The following BMP2 variants were observed in gnomAD, a reference collection of about 807,000 sequenced individuals.
The protein encoded by BMP2 is bone morphogenetic protein 2, also known as bone morphogenetic protein 2A.
BMP2 carries 2 observed loss-of-function variants against 28.8 expected under a neutral mutation model. The ratio of observed to expected loss-of-function variants is 0.07; its 90% CI spans 0.03 to 0.22. BMP2 has a LOEUF of 0.22. Ranked by LOEUF, BMP2 falls within the 10% of genes least tolerant of loss-of-function variation. The pLI is 1.00. For synonymous variants in BMP2, 218 were observed against 204.3 expected (o/e 1.07, Z -0.57); for missense variants, 437 against 517.7 (o/e 0.84, Z 1.51).
In BMP2 at chr20:6,768,409, C is replaced by T. The variant is rs557811126; in HGVS notation, c.-474C>T. 1.8e-5 allele frequency: 7 copies of T among 393,930 alleles called. No homozygotes were observed. In the South Asian group the frequency reaches 7.1e-4, roughly 40 times the overall value. The allele number at this position is 393,930 out of a possible 1,614,324, so 24.4% of individuals were successfully genotyped here. A position where few individuals can be genotyped will look rare whatever the true frequency, so the allele number is the denominator to read the frequency against. On this transcript the variant is annotated 5_prime_UTR_variant, in exon 1 of 3. An upstream open reading frame in the 5' UTR gains an earlier in-frame stop. Coordinates refer to ENST00000378827, the MANE Select transcript of BMP2 (RefSeq NM_001200.4). ...CGCGGAGCGCCCGACCCTCGACCCC[C>T]GAGTCCCGGAGCCGGCCCCGCGCGG...
At position 6,778,486 on chromosome 20, in the gene BMP2, G is replaced by C; in HGVS notation, c.588G>C (p.Leu196Phe). Residue 196 changes from leucine (L) to phenylalanine (F), a missense_variant, in exon 3 of 3, where the codon TTG (leucine) becomes TTC (phenylalanine). This residue lies in a region of BMP2 where 363 missense variants were observed against 392.8 expected (regional missense o/e 0.92). Coordinates refer to ENST00000378827, the MANE Select transcript of BMP2 (RefSeq NM_001200.4). The surrounding 1 kb of genome is among the most constrained non-coding windows in gnomAD (Gnocchi z 5.0). ...FPVTRLLDTR[L>F]VNQNASRWES... is the part of the protein sequence containing the mutation. Reference sequence around the variant, plus strand: ...TGACCAGACTTTTGGACACCAGGTTGGTGAATCAGAATGCAAGCAGGTGGG... The same window carrying C: ...TGACCAGACTTTTGGACACCAGGTTCGTGAATCAGAATGCAAGCAGGTGGG... 2 of 1,614,168 alleles carry C rather than the reference G, an allele frequency of 1.2e-6. No homozygotes were observed. Among genetic ancestry groups the C allele is most frequent in the Non-Finnish European group, 1.7e-6 (2 of 1,180,024 alleles).
At chr20:6,776,910 T>A (rs1986512399) in intron 2 of BMP2, among the ~76,000 whole-genome samples, 1 of 152,158 alleles carries the variant, frequency 6.6e-6, no homozygotes, top group South Asian at 2.1e-4. Flanking sequence ...AACTGTAAAA[T>A]TAATAAAAAC....
rs1986281173 is a variant in BMP2 at position 6,767,861 on chromosome 20, A to G, written c.-1022A>G. 1 of 353,418 alleles carries G rather than the reference A, an allele frequency of 2.8e-6. No individual in the cohort carries two copies. The highest frequency in any genetic ancestry group is 5.1e-6 in the Non-Finnish European group (1 of 197,728). The allele number at this position is 353,418 out of a possible 1,614,324, so 21.9% of individuals were successfully genotyped here. A position where few individuals can be genotyped will look rare whatever the true frequency, so the allele number is the denominator to read the frequency against. On this transcript the variant is annotated 5_prime_UTR_variant, in exon 1 of 3. Coordinates refer to ENST00000378827, the MANE Select transcript of BMP2 (RefSeq NM_001200.4). ...CGTTCTCGGGGCCAGCGCCGAGTGGATCACCGGGGACCGCGAGGCACCCGC... is the reference window on the plus strand; with the variant it reads ...CGTTCTCGGGGCCAGCGCCGAGTGGGTCACCGGGGACCGCGAGGCACCCGC...
At chr20:6,775,138 T>C (rs1464500637) in intron 2 of BMP2, among the ~76,000 whole-genome samples, 1 of 152,122 alleles carries the variant, frequency 6.6e-6, no homozygotes, top group Non-Finnish European at 1.5e-5. Flanking sequence ...ATTGTATAAG[T>C]CTCCAAAAAA....
intron 2 of BMP2, among the ~76,000 whole-genome samples, chr20:6,776,279 G>T (rs1044686185): frequency 2.0e-5 from 3 of 152,074 alleles, no homozygotes; most frequent in Non-Finnish European, 4.4e-5. Flanking sequence ...TTCCCCAGAG[G>T]TTTGGATTAA....
intron 2 of BMP2, among the ~76,000 whole-genome samples, chr20:6,774,850 T>G (rs1368212513): frequency 1.3e-5 from 2 of 152,226 alleles, no homozygotes; most frequent in African/African-American, 4.8e-5. Flanking sequence ...GGACCTAGGC[T>G]GACTGAGAGA....
Position 6,770,171 on chromosome 20 carries a change from G to C in BMP2, c.45G>C (p.Gln15His), listed in dbSNP as rs1442853902. 6.3e-7 allele frequency: 1 copy of C among 1,579,440 alleles called. No individual in the cohort carries two copies. Among genetic ancestry groups the C allele is most frequent in the Non-Finnish European group, 8.6e-7 (1 of 1,163,166 alleles). The change falls in exon 2 of 3, where the codon CAG (glutamine) becomes CAC (histidine). Residue 15 changes from glutamine (Q) to histidine (H), a missense_variant. This residue lies in a region of BMP2 where 363 missense variants were observed against 392.8 expected (regional missense o/e 0.92). Transcript: ENST00000378827. ...GTCTTCTAGCGTTGCTGCTTCCCCAGGTCCTCCTGGGCGGCGCGGCTGGCC... is the reference window on the plus strand; with the variant it reads ...GTCTTCTAGCGTTGCTGCTTCCCCACGTCCTCCTGGGCGGCGCGGCTGGCC... ...TRCLLALLLPQVLLGGAAGLV... is the reference protein window; with the variant it reads ...TRCLLALLLPHVLLGGAAGLV...
At chr20:6,775,676 TGGG>T (rs1401050927) in intron 2 of BMP2, among the ~76,000 whole-genome samples, 1 of 152,190 alleles carries the variant, frequency 6.6e-6, no homozygotes, top group Non-Finnish European at 1.5e-5. Flanking sequence ...TTTAATTTTT[TGGG>T]AGGTTATTAT....
rs1986596796 is a variant in BMP2, at chr20:6,780,246, A to G, written c.*1157A>G. 6.6e-6 allele frequency: 1 copy of G among 152,602 alleles called. No individual in the cohort carries two copies. Among genetic ancestry groups the G allele is most frequent in the Non-Finnish European group, 1.5e-5 (1 of 68,038 alleles). 9.5% of individuals were successfully genotyped at this position (152,602 alleles called of 1,614,324 possible). ...AGATAATAAATATCAAATCTCTGGC[A>G]TTTCATTCTATAAAGTCCAACCTGT... On this transcript the variant is annotated 3_prime_UTR_variant, in exon 3 of 3. Coordinates refer to ENST00000378827, the MANE Select transcript of BMP2 (RefSeq NM_001200.4).
rs1459743085 is a variant in BMP2, at chr20:6,778,760, C to G, written c.862C>G (p.Gln288Glu). The G allele has an allele frequency of 1.2e-6, 2 of 1,614,086 alleles. No homozygotes were observed. The highest frequency in any genetic ancestry group is 1.6e-4 in the Middle Eastern group (1 of 6,084). Reference protein sequence around the residue: ...KREKRQAKHKQRKRLKSSCKR... With the variant: ...KREKRQAKHKERKRLKSSCKR... The stretch of plus-strand genomic sequence containing the variant: ...AGAAAAACGTCAAGCCAAACACAAA[C>G]AGCGGAAACGCCTTAAGTCCAGCTG... Residue 288 changes from glutamine to glutamate, a missense_variant, in exon 3 of 3, where the codon CAG (glutamine) becomes GAG (glutamate). Coordinates refer to ENST00000378827, the MANE Select transcript of BMP2 (RefSeq NM_001200.4). The surrounding 1 kb of genome is among the most constrained non-coding windows in gnomAD (Gnocchi z 5.0).
intron 1 of BMP2, 76 bp from the exon 2 acceptor site, chr20:6,770,044 G>T: frequency 7.0e-7 from 1 of 1,427,426 alleles, no homozygotes; most frequent in Non-Finnish European, 9.3e-7. Flanking sequence ...AGCCAAATGG[G>T]AGACCGGGCC....
intron 2 of BMP2, among the ~76,000 whole-genome samples, chr20:6,771,423 A>G (rs1314042576): frequency 1.3e-5 from 2 of 152,178 alleles, no homozygotes; most frequent in South Asian, 2.1e-4. Flanking sequence ...GGTTTCTTCA[A>G]TTCCTAGAAA....
At chr20:6,770,722 A>G (rs1986382241) in intron 2 of BMP2, among the ~76,000 whole-genome samples, 1 of 152,216 alleles carries the variant, frequency 6.6e-6, no homozygotes, top group African/African-American at 2.4e-5. Context: ...CTCCTCCTGG[A>G]AGAATTGGAG....
chr20:6,776,218 G>T (rs1986497958), intron 2 of BMP2, among the ~76,000 whole-genome samples: 1 of 152,118 alleles, frequency 6.6e-6, no homozygotes, highest in Non-Finnish European at 1.5e-5. Flanking sequence ...CTGGCCTAAA[G>T]TACCATTAGC....
At position 6,768,416 on chromosome 20, in the gene BMP2, C is replaced by G. The variant is rs951084983; in HGVS notation, c.-467C>G. ...CGCCCGACCCTCGACCCCCGAGTCC[C>G]GGAGCCGGCCCCGCGCGGGGCCACG... On this transcript the variant is annotated 5_prime_UTR_variant, in exon 1 of 3. Transcript: ENST00000378827. 1.0e-5 allele frequency: 4 copies of G among 394,014 alleles called. No homozygotes were observed. Among genetic ancestry groups the G allele is most frequent in the Non-Finnish European group, 1.3e-5 (3 of 223,556 alleles). The allele number at this position is 394,014 out of a possible 1,614,324, so 24.4% of individuals were successfully genotyped here. A position where few individuals can be genotyped will look rare whatever the true frequency, so the allele number is the denominator to read the frequency against.
chr20:6,770,405 C>A lies in BMP2; in HGVS notation c.279C>A (p.Pro93=). The change falls in exon 2 of 3, where the codon CCC becomes CCA. Residue 93 remains proline (P), a synonymous_variant. Transcript: ENST00000378827. ...GGCACTCAGGTCAGCCGGGCTCACC[C>A]GCCCCAGACCACCGGTTGGAGAGGG... ...YRRHSGQPGS[P]APDHRLERAA... The A allele has an allele frequency of 6.2e-7, 1 of 1,611,950 alleles. No individual in the cohort carries two copies. Among genetic ancestry groups the A allele is most frequent in the Non-Finnish European group, 8.5e-7 (1 of 1,179,164 alleles).
Position 6,770,578 on chromosome 20 carries a change from C to T in BMP2, c.346+106C>T, listed in dbSNP as rs1214792085. 28 of 1,099,178 alleles carry T rather than the reference C, an allele frequency of 2.5e-5. 1 individual carries two copies. The South Asian group carries it at 2.7e-4, about 10-fold the overall frequency. 68.1% of individuals were successfully genotyped at this position (1,099,178 alleles called of 1,614,324 possible). A position where few individuals can be genotyped will look rare whatever the true frequency, so the allele number is the denominator to read the frequency against. On this transcript the variant is annotated intron_variant, in intron 2 of 2. Transcript: ENST00000378827. Reference sequence around the variant, plus strand: ...AGAGGCAGCTTGGCCGGGGCACCAGCGGACGTTTCCACTCTTGCTTCTGTA... The same window carrying T: ...AGAGGCAGCTTGGCCGGGGCACCAGTGGACGTTTCCACTCTTGCTTCTGTA...
chr20:6,767,768 C>T lies in BMP2; in HGVS notation c.-1115C>T, dbSNP rs1986277482. ...GCGCTGCGCTAGTCGCTCCGCTTCC[C>T]ACACCCCGCCGGGGACTGGCAGCCG... On this transcript the variant is annotated 5_prime_UTR_variant, in exon 1 of 3. Transcript: ENST00000378827. The T allele has an allele frequency of 8.1e-6, 2 of 246,580 alleles. No homozygotes were observed. The highest frequency in any genetic ancestry group is 5.6e-5 in the Admixed American group (1 of 17,894). The allele number at this position is 246,580 out of a possible 1,614,324, so 15.3% of individuals were successfully genotyped here.
intron 2 of BMP2, among the ~76,000 whole-genome samples, chr20:6,776,146 C>T (rs1820726761): frequency 6.6e-6 from 1 of 152,104 alleles, no homozygotes; most frequent in African/African-American, 2.4e-5. Context: ...CTTGGTACTC[C>T]TTGGGAGCCA....
Sources: gnomAD v4.1 joint callset for allele counts (sites outside exome capture counted in the v4.1 genomes callset) on GRCh38, gnomAD v4.1.1 for gene constraint, gnomAD v4.1.1 regional missense constraint, Gnocchi (gnomAD v3.1) non-coding constraint, MANE v1.5 for transcripts, NCBI Gene and HGNC (gene_info 2026-07-23, HGNC 2026-07-21) for gene names.